The following TMEM117 variants were observed in gnomAD, a reference collection of about 807,000 sequenced individuals.
TMEM117 encodes the protein transmembrane protein 117.
In TMEM117, 27 loss-of-function variants were observed where a neutral mutation model predicts 52.4. That is an observed-to-expected ratio of 0.51 (90% CI 0.38 to 0.71). The LOEUF (loss-of-function observed/expected upper bound fraction) is 0.71. TMEM117 is among the 30% of genes least tolerant of loss of function. The probability of loss-of-function intolerance (pLI) is 0.00; values close to 1 mark genes in which losing one functional copy is unlikely to be tolerated. For missense variants in TMEM117, 556 were observed against 630.5 expected (o/e 0.88, Z 1.26); for synonymous variants, 215 against 206.3 (o/e 1.04, Z -0.36).
At chr12:44,321,673 T>C (rs863482) in intron 6 of TMEM117, among the ~76,000 whole-genome samples, 5,033 of 152,222 alleles carry the variant, frequency 0.033, 260 homozygotes, top group African/African-American at 0.11. Flanking sequence ...TAAAAACTTA[T>C]ATTATGATGG....
chr12:43,991,680 T>C (rs1455168079), intron 3 of TMEM117, among the ~76,000 whole-genome samples: 2 of 152,080 alleles, frequency 1.3e-5, no homozygotes, highest in Non-Finnish European at 2.9e-5. Context: ...TCAGTAAATA[T>C]TAGTTCTAAT....
At chr12:44,254,731 A>G (rs1033133765) in intron 5 of TMEM117, among the ~76,000 whole-genome samples, 2 of 152,140 alleles carry the variant, frequency 1.3e-5, no homozygotes, top group East Asian at 1.9e-4. Context: ...ATATGTATAC[A>G]TGTGCCATGT....
chr12:43,931,843 T>C (rs1944876081), intron 2 of TMEM117, among the ~76,000 whole-genome samples: 1 of 152,236 alleles, frequency 6.6e-6, no homozygotes, highest in Non-Finnish European at 1.5e-5. Context: ...AGGACAACTT[T>C]ACATTCTTTG....
At chr12:44,084,002 A>G (rs558565381) in intron 3 of TMEM117, among the ~76,000 whole-genome samples, 1 of 152,292 alleles carries the variant, frequency 6.6e-6, no homozygotes, top group Non-Finnish European at 1.5e-5. Context: ...CTGTTTCAAA[A>G]TGTTATGTGA....
At chr12:44,187,837 C>T (rs1949298475) in intron 4 of TMEM117, among the ~76,000 whole-genome samples, 1 of 152,072 alleles carries the variant, frequency 6.6e-6, no homozygotes, top group Non-Finnish European at 1.5e-5. Flanking sequence ...TCCTAAGTGA[C>T]TCATATGGAG....
chr12:44,335,053 G>A (rs17094465), intron 6 of TMEM117, among the ~76,000 whole-genome samples: 1 of 151,986 alleles, frequency 6.6e-6, no homozygotes, highest in Non-Finnish European at 1.5e-5. Flanking sequence ...GACTGGAAGA[G>A]AATTCACTAA....
At chr12:44,304,610 G>C (rs923523361) in intron 6 of TMEM117, among the ~76,000 whole-genome samples, 1 of 152,166 alleles carries the variant, frequency 6.6e-6, no homozygotes. Context: ...AGAGGACTTT[G>C]TCTTGCAACT....
intron 2 of TMEM117, among the ~76,000 whole-genome samples, chr12:43,930,176 G>A (rs1171325458): frequency 6.6e-6 from 1 of 152,046 alleles, no homozygotes; most frequent in African/African-American, 2.4e-5. Context: ...CTACTTTGAT[G>A]TTCCCTGAAT....
At chr12:44,311,716 A>AAT (rs559926860) in intron 6 of TMEM117, among the ~76,000 whole-genome samples, 1 of 143,438 alleles carries the variant, frequency 7.0e-6, no homozygotes, top group East Asian at 2.0e-4. Context: ...GTTAATATTA[A>AAT]ATATATATAT....
At chr12:43,892,201 G>C (rs1224723665) in intron 2 of TMEM117, among the ~76,000 whole-genome samples, 2 of 152,198 alleles carry the variant, frequency 1.3e-5, no homozygotes, top group African/African-American at 2.4e-5. Context: ...GGTGCGTGGG[G>C]CAAAATCCTG....
intron 3 of TMEM117, among the ~76,000 whole-genome samples, chr12:44,078,491 C>T (rs960237866): frequency 2.0e-5 from 3 of 152,144 alleles, no homozygotes; most frequent in African/African-American, 4.8e-5. Flanking sequence ...TTTACAGCCA[C>T]GAGTATACAC....
intron 6 of TMEM117, among the ~76,000 whole-genome samples, chr12:44,300,079 G>A (rs2138642194): frequency 6.6e-6 from 1 of 152,228 alleles, no homozygotes; most frequent in African/African-American, 2.4e-5. Flanking sequence ...ATGGAAAGCT[G>A]CAGACATGAG....
intron 3 of TMEM117, among the ~76,000 whole-genome samples, chr12:44,090,837 G>GTTTTTTTTTTT (rs1565823272): frequency 8.9e-6 from 1 of 112,426 alleles, no homozygotes; most frequent in African/African-American, 5.3e-5. Flanking sequence ...CTGTATTTAT[G>GTTTTTTTTTTT]TGTTTTTTTT....
chr12:43,954,342 C>A (rs1296451306), intron 3 of TMEM117, among the ~76,000 whole-genome samples: 19 of 151,684 alleles, frequency 1.3e-4, no homozygotes, highest in Admixed American at 1.1e-3. Flanking sequence ...AAAAACCCTT[C>A]AAAAAATCAA....
At chr12:44,247,047 C>T (rs1242803344) in intron 5 of TMEM117, among the ~76,000 whole-genome samples, 1 of 152,156 alleles carries the variant, frequency 6.6e-6, no homozygotes, top group Non-Finnish European at 1.5e-5. Flanking sequence ...CCAACACTGC[C>T]TCATTAATAA....
chr12:44,268,932 A>T (rs74518265), intron 5 of TMEM117, among the ~76,000 whole-genome samples: 2,686 of 152,248 alleles, frequency 0.018, 65 homozygotes, highest in East Asian at 0.056. Context: ...GCTTTGTAAT[A>T]ATCAGTTACT....
intron 3 of TMEM117, among the ~76,000 whole-genome samples, chr12:44,021,684 A>C (rs560484744): frequency 2.8e-4 from 43 of 152,366 alleles, no homozygotes; most frequent in African/African-American, 1.0e-3. Flanking sequence ...CAATAAAGAC[A>C]TGAAACCCTG....
intron 2 of TMEM117, among the ~76,000 whole-genome samples, chr12:43,849,599 T>C (rs994259606): frequency 6.6e-6 from 1 of 152,158 alleles, no homozygotes; most frequent in Admixed American, 6.5e-5. Flanking sequence ...GTACAAATTA[T>C]TTTAAAATAA....
chr12:44,352,108 G>A (rs1186776345), intron 6 of TMEM117, among the ~76,000 whole-genome samples: 1 of 151,734 alleles, frequency 6.6e-6, no homozygotes, highest in Non-Finnish European at 1.5e-5. Flanking sequence ...ATATATGCAT[G>A]GTAAGTAAAA....
Sources: allele counts gnomAD v4.1 joint callset (sites outside exome capture counted in the v4.1 genomes callset), GRCh38; gene constraint gnomAD v4.1.1; transcripts MANE v1.5; gene names NCBI Gene and HGNC (gene_info 2026-07-23, HGNC 2026-07-21).